The following MEGF11 variants were observed in gnomAD, a reference collection of about 807,000 sequenced individuals.
MEGF11 encodes the protein multiple epidermal growth factor-like domains protein 11.
MEGF11 carries 126 observed loss-of-function variants against 146.6 expected under a neutral mutation model. The observed-to-expected ratio is 0.86, with a 90% confidence interval of 0.74 to 1.00. The LOEUF (loss-of-function observed/expected upper bound fraction) is 1.00. Ranked by LOEUF, MEGF11 falls within the 50% of genes least tolerant of loss-of-function variation. MEGF11 has a pLI of 0.00. For missense variants in MEGF11, 1,509 were observed against 1,521.2 expected (o/e 0.99, Z 0.13); for synonymous variants, 532 against 583.4 (o/e 0.91, Z 1.27).
intron 1 of MEGF11, among the ~76,000 whole-genome samples, chr15:66,203,064 G>A (rs1241505767): frequency 6.6e-6 from 1 of 152,136 alleles, no homozygotes; most frequent in African/African-American, 2.4e-5. Context: ...CCGAGGAGAG[G>A]AGTTTCCAGA....
intron 5 of MEGF11, among the ~76,000 whole-genome samples, chr15:65,991,233 T>TG (rs1258050031): frequency 2.6e-5 from 4 of 152,174 alleles, no homozygotes; most frequent in African/African-American, 7.2e-5. Context: ...CACACGCACG[T>TG]GGGGAAAACC....
intron 5 of MEGF11, among the ~76,000 whole-genome samples, chr15:66,029,172 G>GC (rs1296083982): frequency 2.0e-5 from 3 of 151,426 alleles, no homozygotes; most frequent in Non-Finnish European, 2.9e-5. Context: ...TTTTTTGGGT[G>GC]CCCTCAAATG....
Position 65,928,440 on chromosome 15 carries a change from G to C in MEGF11, c.1660C>G (p.Leu554Val), listed in dbSNP as rs199502301. ...GGAAGGTTACCTGTCCATCCGGCCAGGCAGCAGCAGTGGCCTGTGACGGGG... is the reference window on the plus strand; with the variant it reads ...GGAAGGTTACCTGTCCATCCGGCCACGCAGCAGCAGTGGCCTGTGACGGGG... ...CDPVTGHCCC[L>V]AGWTGIRCDS... The change falls in exon 13 of 26, where the codon CTG (leucine) becomes GTG (valine). Residue 554 changes from leucine (L) to valine (V), a missense_variant. Physicochemically the swap from Leu to Val is conservative, Grantham distance 32. Coordinates refer to ENST00000395614, the MANE Select transcript of MEGF11 (RefSeq NM_001385028.1). 1.4e-5 allele frequency: 23 copies of C among 1,597,254 alleles called. No individual in the cohort carries two copies. The East Asian group carries it at 4.8e-4, about 33-fold the overall frequency.
intron 4 of MEGF11, among the ~76,000 whole-genome samples, chr15:66,095,828 G>A (rs1224319058): frequency 1.3e-5 from 2 of 152,220 alleles, no homozygotes; most frequent in African/African-American, 4.8e-5. Context: ...CCTTCGGGGA[G>A]GGTTGTGGTG....
chr15:66,078,907 T>C (rs536543452), intron 5 of MEGF11, among the ~76,000 whole-genome samples: 59 of 152,312 alleles, frequency 3.9e-4, no homozygotes, highest in African/African-American at 1.4e-3. Flanking sequence ...TTGGGCAGAA[T>C]GTACCTCCCT....
chr15:66,233,951 C>CTTTTTTTTTTTTTTTTTTTTTTT (rs57240560), intron 1 of MEGF11, among the ~76,000 whole-genome samples: 2 of 119,928 alleles, frequency 1.7e-5, no homozygotes, highest in Non-Finnish European at 3.3e-5. Flanking sequence ...TTTTCTTTTT[C>CTTTTTTTTTTTTTTTTTTTTTTT]TTTTTTTTTT....
At chr15:66,201,252 C>T (rs1182721938) in intron 1 of MEGF11, among the ~76,000 whole-genome samples, 3 of 152,176 alleles carry the variant, frequency 2.0e-5, no homozygotes, top group African/African-American at 7.2e-5. Flanking sequence ...TGTTCTTCCT[C>T]CAGGCCTCAG....
intron 1 of MEGF11, among the ~76,000 whole-genome samples, chr15:66,171,331 G>A (rs980224399): frequency 1.3e-5 from 2 of 152,178 alleles, no homozygotes; most frequent in African/African-American, 4.8e-5. Flanking sequence ...GGAGAGCTAG[G>A]GTCCCACCAG....
chr15:66,192,664 C>T (rs1305669583), intron 1 of MEGF11, among the ~76,000 whole-genome samples: 1 of 152,064 alleles, frequency 6.6e-6, no homozygotes, highest in Admixed American at 6.5e-5. Flanking sequence ...CCAGGATTTG[C>T]CCCTTAACCA....
At chr15:66,080,802 C>T (rs2140536641) in intron 5 of MEGF11, among the ~76,000 whole-genome samples, 1 of 152,350 alleles carries the variant, frequency 6.6e-6, no homozygotes, top group Non-Finnish European at 1.5e-5. Flanking sequence ...TGACTGTGCC[C>T]CAGTGTGTGG....
intron 7 of MEGF11, 102 bp from the exon 8 acceptor site, chr15:65,970,791 C>T (rs2081278230): frequency 7.3e-7 from 1 of 1,371,384 alleles, no homozygotes; most frequent in African/African-American, 1.4e-5. Context: ...CCCAACTTCC[C>T]AGAAGAAGTT....
intron 7 of MEGF11, among the ~76,000 whole-genome samples, chr15:65,977,942 G>A (rs528877059): frequency 6.6e-6 from 1 of 152,312 alleles, no homozygotes; most frequent in South Asian, 2.1e-4. Context: ...TCAGAGCCCA[G>A]AAAAAGAGGA....
At chr15:66,114,556 G>C (rs1322939048) in intron 4 of MEGF11, among the ~76,000 whole-genome samples, 1 of 152,222 alleles carries the variant, frequency 6.6e-6, no homozygotes, top group Non-Finnish European at 1.5e-5. Flanking sequence ...TACTACATAT[G>C]TGAAAGTCTG....
intron 1 of MEGF11, among the ~76,000 whole-genome samples, chr15:66,145,017 C>A (rs1279751304): frequency 6.6e-6 from 1 of 152,166 alleles, no homozygotes; most frequent in Non-Finnish European, 1.5e-5. Context: ...GAGCAGGCGC[C>A]GATCCAGAAT....
rs768201185 is a variant in MEGF11, at chr15:65,898,905, T to G, written c.3085A>C (p.Ser1029Arg). The stretch of plus-strand genomic sequence containing the variant: ...TCACTGCTATTCAAGGAACAAGTAC[T>G]AGAACTGCACACGGATTCTTTCATG... Reference protein sequence around the residue: ...DYMKESVCSSSTCSLNSSENP... With the variant: ...DYMKESVCSSRTCSLNSSENP... Residue 1029 changes from serine (S) to arginine (R), a missense_variant, in exon 25 of 26, where the codon AGT becomes CGT. By Grantham distance (110) the Ser-to-Arg change is moderately radical (BLOSUM62 -1). Coordinates refer to ENST00000395614, the MANE Select transcript of MEGF11 (RefSeq NM_001385028.1). 9.3e-6 allele frequency: 15 copies of G among 1,613,848 alleles called. 1 individual carries two copies. The highest frequency in any genetic ancestry group is 8.8e-5 in the South Asian group (8 of 91,092).
chr15:66,212,960 A>G (rs924183163), intron 1 of MEGF11, among the ~76,000 whole-genome samples: 1 of 152,230 alleles, frequency 6.6e-6, no homozygotes, highest in Non-Finnish European at 1.5e-5. Flanking sequence ...TGAGCCCCTC[A>G]TGCCCCGCCC....
intron 1 of MEGF11, among the ~76,000 whole-genome samples, chr15:66,169,583 A>C (rs1180302908): frequency 3.3e-5 from 5 of 152,252 alleles, no homozygotes; most frequent in Non-Finnish European, 7.3e-5. Flanking sequence ...GTAATAGCTA[A>C]AGTAAATTCT....
intron 5 of MEGF11, among the ~76,000 whole-genome samples, chr15:66,048,226 A>T (rs978918517): frequency 1.3e-5 from 2 of 152,198 alleles, no homozygotes; most frequent in Non-Finnish European, 2.9e-5. Context: ...GATTACAGGC[A>T]TGAGGCACCG....
Position 65,897,702 on chromosome 15 carries a change from A to G in MEGF11, c.*232T>C, listed in dbSNP as rs1394496536. The G allele has an allele frequency of 8.1e-6, 3 of 370,542 alleles. No homozygotes were observed. The highest frequency in any genetic ancestry group is 9.3e-5 in the South Asian group (1 of 10,792). The allele number at this position is 370,542 out of a possible 1,614,324, so 23.0% of individuals were successfully genotyped here. ...TGTATCTTAAAATGTTTTAAAAATC[A>G]TATAATCCAGGGCATTTGGGGCTGA... On this transcript the variant is annotated 3_prime_UTR_variant, in exon 26 of 26. Coordinates refer to ENST00000395614, the MANE Select transcript of MEGF11 (RefSeq NM_001385028.1).
Sources: gnomAD v4.1 joint callset for allele counts (sites outside exome capture counted in the v4.1 genomes callset) on GRCh38, gnomAD v4.1.1 for gene constraint, MANE v1.5 for transcripts, NCBI Gene and HGNC (gene_info 2026-07-23, HGNC 2026-07-21) for gene names.